STXBP5: variants seen among roughly 807,000 people sequenced by gnomAD.
The protein encoded by STXBP5 is syntaxin-binding protein 5.
A neutral mutation model predicts 152.4 loss-of-function variants in STXBP5; 50 were observed. The ratio of observed to expected loss-of-function variants is 0.33; its 90% CI spans 0.26 to 0.42. The LOEUF is 0.42. Among genes scored for constraint, STXBP5 ranks in the 10% least tolerant of loss-of-function variants. The pLI is 1.00. For synonymous variants in STXBP5, 492 were observed against 494.7 expected (o/e 0.99, Z 0.07); for missense variants, 1,167 against 1,388.6 (o/e 0.84, Z 2.54).
In STXBP5 at chr6:147,239,944, C is replaced by T. The variant is rs997216593; in HGVS notation, c.431+674C>T. Reference sequence around the variant, plus strand: ...ATCCCCTATATGTTTTTGTGGTACTCTTTTTTTTTTTTTTCTGAGACCTGG... The same window carrying T: ...ATCCCCTATATGTTTTTGTGGTACTTTTTTTTTTTTTTTTCTGAGACCTGG... On this transcript the variant is annotated intron_variant, in intron 4 of 27. Coordinates refer to ENST00000321680, the MANE Select transcript of STXBP5 (RefSeq NM_001127715.4). Among the ~76,000 whole-genome samples, 18 of 143,626 alleles carry T rather than the reference C, an allele frequency of 1.3e-4. No individual in the cohort carries two copies. The Middle Eastern group carries it at 0.011, about 86-fold the overall frequency. The allele number at this position is 143,626 out of a possible 152,430, so 94.2% of individuals were successfully genotyped here. A position where few individuals can be genotyped will look rare whatever the true frequency, so the allele number is the denominator to read the frequency against.
At chr6:147,291,550 G>C (rs1049096929) in intron 9 of STXBP5, among the ~76,000 whole-genome samples, 3 of 152,034 alleles carry the variant, frequency 2.0e-5, no homozygotes, top group Non-Finnish European at 4.4e-5. Flanking sequence ...AAAGTTATAT[G>C]TATTCTTCAG....
chr6:147,369,507 T>G (rs78795351), intron 25 of STXBP5, among the ~76,000 whole-genome samples: 5,388 of 152,116 alleles, frequency 0.035, 146 homozygotes, highest in Admixed American at 0.054. Flanking sequence ...AGAAGACACT[T>G]TTTAAAATGA....
At chr6:147,255,987 A>G (rs1360662967) in intron 4 of STXBP5, among the ~76,000 whole-genome samples, 65 of 152,256 alleles carry the variant, frequency 4.3e-4, no homozygotes, top group Non-Finnish European at 1.0e-4. Flanking sequence ...ATGCAGGAAC[A>G]GAAACCACTG....
chr6:147,283,569 A>G (rs994490708), intron 8 of STXBP5, among the ~76,000 whole-genome samples: 1 of 152,118 alleles, frequency 6.6e-6, no homozygotes. Flanking sequence ...ACACACGAGG[A>G]TTGTGCTGAG....
At position 147,205,991 on chromosome 6, in the gene STXBP5, C is replaced by G. The variant is rs1562406458; in HGVS notation, c.171C>G (p.Pro57=). ...CCTAGACTGTTCGCCATGGATTTCCCTATCAACCCTCAGCCCTGGCCTTTG... is the reference window on the plus strand; with the variant it reads ...CCTAGACTGTTCGCCATGGATTTCCGTATCAACCCTCAGCCCTGGCCTTTG... ...QLCKTVRHGF[P]YQPSALAFDP... is the part of the protein sequence containing the mutation. The change falls in exon 2 of 28, where the codon CCC becomes CCG. Residue 57 remains proline, a synonymous_variant. Transcript: ENST00000321680. 6.2e-7 allele frequency: 1 copy of G among 1,614,134 alleles called. No individual in the cohort carries two copies.
chr6:147,223,379 G>A (rs1327246337), intron 2 of STXBP5, among the ~76,000 whole-genome samples: 19 of 152,104 alleles, frequency 1.2e-4, no homozygotes, highest in Admixed American at 1.2e-3. Context: ...GTTGTTTTGA[G>A]CATATTTCTA....
chr6:147,305,516 C>T (rs909911652), intron 9 of STXBP5, among the ~76,000 whole-genome samples: 13 of 152,100 alleles, frequency 8.5e-5, no homozygotes, highest in Non-Finnish European at 1.6e-4. Context: ...TTTACTCTAA[C>T]AATTTATGCA....
chr6:147,211,904 A>G (rs1411211181), intron 2 of STXBP5, among the ~76,000 whole-genome samples: 3 of 152,020 alleles, frequency 2.0e-5, no homozygotes, highest in African/African-American at 7.2e-5. Flanking sequence ...GTTCATAGCT[A>G]CTTTCCTCCT....
chr6:147,311,761 A>G (rs959572865), intron 11 of STXBP5, among the ~76,000 whole-genome samples: 1 of 152,148 alleles, frequency 6.6e-6, no homozygotes, highest in Non-Finnish European at 1.5e-5. Context: ...GAAATTTCAC[A>G]TGATTCAACC....
intron 4 of STXBP5, among the ~76,000 whole-genome samples, chr6:147,244,520 T>C (rs980163806): frequency 3.3e-5 from 5 of 152,244 alleles, no homozygotes; most frequent in African/African-American, 1.2e-4. Context: ...TTAACATTTT[T>C]ACGTCTCCGA....
intron 1 of STXBP5, 99 bp from the exon 2 acceptor site, chr6:147,205,872 C>T (rs1299858015): frequency 2.5e-6 from 2 of 804,726 alleles, no homozygotes; most frequent in African/African-American, 3.4e-5. Flanking sequence ...TGTTTTGCAT[C>T]AGTGGTAGTG....
intron 4 of STXBP5, among the ~76,000 whole-genome samples, chr6:147,255,688 T>A (rs1022149830): frequency 5.3e-5 from 8 of 152,234 alleles, no homozygotes; most frequent in Admixed American, 6.5e-5. Flanking sequence ...AGGCTATACA[T>A]TTCTTGTAGA....
rs2128371580 is a variant in STXBP5 at position 147,311,861 on chromosome 6, T to C, written c.1145+334T>C. ...ACCTCCAAAATAAGCTATTTTAGGC[T>C]TTCTACGTCTACTCACTCTCAGTTG... On this transcript the variant is annotated intron_variant, in intron 11 of 27. Transcript: ENST00000321680. Among the ~76,000 whole-genome samples the C allele has an allele frequency of 3.3e-5, 5 of 152,324 alleles. No homozygotes were observed. In the South Asian group the frequency reaches 1.0e-3, roughly 32 times the overall value.
At chr6:147,361,329 G>A (rs1044786808) in intron 23 of STXBP5, among the ~76,000 whole-genome samples, 1 of 152,196 alleles carries the variant, frequency 6.6e-6, no homozygotes, top group African/African-American at 2.4e-5. Context: ...TACACAAAAA[G>A]TATTTAGTAT....
chr6:147,330,967 A>T (rs1236165605), intron 18 of STXBP5, among the ~76,000 whole-genome samples: 1 of 152,194 alleles, frequency 6.6e-6, no homozygotes, highest in African/African-American at 2.4e-5. Context: ...ACAGCTGAAT[A>T]TTTGGTTTTG....
chr6:147,313,279 T>A (rs902441954), intron 11 of STXBP5, among the ~76,000 whole-genome samples: 2 of 152,186 alleles, frequency 1.3e-5, no homozygotes, highest in Non-Finnish European at 2.9e-5. Flanking sequence ...GACTTTAAAA[T>A]GAGAAAAGAA....
At chr6:147,373,201 C>T (rs1465178101) in intron 25 of STXBP5, among the ~76,000 whole-genome samples, 1 of 151,646 alleles carries the variant, frequency 6.6e-6, no homozygotes, top group Non-Finnish European at 1.5e-5. Flanking sequence ...AAACCTGTCT[C>T]TACAAAATAC....
At chr6:147,323,718 A>G (rs371087474) in intron 16 of STXBP5, among the ~76,000 whole-genome samples, 23 of 152,268 alleles carry the variant, frequency 1.5e-4, no homozygotes, top group African/African-American at 5.5e-4. Flanking sequence ...TAATGAAAAT[A>G]TATTACCTTT....
chr6:147,267,747 A>G (rs1779964938), intron 7 of STXBP5, among the ~76,000 whole-genome samples: 1 of 151,978 alleles, frequency 6.6e-6, no homozygotes, highest in African/African-American at 2.4e-5. Context: ...AGGCTTGATC[A>G]AATGCCGGTT....
Sources: allele counts gnomAD v4.1 joint callset (sites outside exome capture counted in the v4.1 genomes callset), GRCh38; gene constraint gnomAD v4.1.1; transcripts MANE v1.5; gene names NCBI Gene and HGNC (gene_info 2026-07-23, HGNC 2026-07-21).